The following ZNF761 variants were observed in gnomAD, a reference collection of about 807,000 sequenced individuals.
ZNF761 encodes zinc finger protein 761.
ZNF761 carries 43 observed loss-of-function variants against 59.9 expected under a neutral mutation model. That is an observed-to-expected ratio of 0.72 (90% CI 0.56 to 0.92). The LOEUF (loss-of-function observed/expected upper bound fraction) is 0.92, where lower values mean the gene tolerates loss of function less well. Among genes scored for constraint, ZNF761 ranks in the 40% least tolerant of loss-of-function variants. The pLI is 0.00. For missense variants in ZNF761, 850 were observed against 906.1 expected (o/e 0.94, Z 0.79); for synonymous variants, 294 against 304.8 (o/e 0.96, Z 0.37).
At chr19:53,448,775 A>ATT (rs35551715) in intron 3 of ZNF761, among the ~76,000 whole-genome samples, 1,374 of 125,070 alleles carry the variant, frequency 0.011, 36 homozygotes, top group African/African-American at 0.038. Flanking sequence ...TGGCTAGCTA[A>ATT]TTTTTTTTTT....
At chr19:53,441,157 C>T (rs1478833915) in intron 1 of ZNF761, among the ~76,000 whole-genome samples, 1 of 152,104 alleles carries the variant, frequency 6.6e-6, no homozygotes, top group African/African-American at 2.4e-5. Flanking sequence ...TGGTGTGCAC[C>T]TGTAGTCATA....
intron 1 of ZNF761, chr19:53,442,466 T>C: frequency 1.3e-6 from 1 of 765,596 alleles, no homozygotes; most frequent in South Asian, 1.4e-5. Context: ...CAGAGACCCA[T>C]GCTGAGTTGG....
intron 4 of ZNF761, among the ~76,000 whole-genome samples, chr19:53,453,810 A>T (rs2086241219): frequency 6.6e-6 from 1 of 152,194 alleles, no homozygotes. Context: ...CAAAAGGTGG[A>T]TGTTGCAGTG....
In ZNF761 at chr19:53,457,303, C is replaced by T; in HGVS notation, c.*555C>T. 2.5e-6 allele frequency: 1 copy of T among 406,372 alleles called. No homozygotes were observed. The highest frequency in any genetic ancestry group is 5.0e-6 in the Non-Finnish European group (1 of 200,750). 25.2% of individuals were successfully genotyped at this position (406,372 alleles called of 1,614,324 possible). Reference sequence around the variant, plus strand: ...TCATACCTTGCAGTTCATCGGTGAACTCAACGCTGGAGAGAAACCTTACAA... The same window carrying T: ...TCATACCTTGCAGTTCATCGGTGAATTCAACGCTGGAGAGAAACCTTACAA... On this transcript the variant is annotated 3_prime_UTR_variant, in exon 5 of 5. Transcript: ENST00000684525.
At chr19:53,438,020 C>G (rs1461403120) in intron 1 of ZNF761, among the ~76,000 whole-genome samples, 1 of 120,304 alleles carries the variant, frequency 8.3e-6, no homozygotes, top group Non-Finnish European at 1.9e-5. Context: ...AAGTACTTGA[C>G]ATCTGGGTCT....
At position 53,456,525 on chromosome 19, in the gene ZNF761, G is replaced by A. The variant is rs551514973; in HGVS notation, c.2018G>A (p.Arg673Gln). ...KCNECGKTFSRKSYFICHHRL... is the reference protein window; with the variant it reads ...KCNECGKTFSQKSYFICHHRL... The stretch of plus-strand genomic sequence containing the variant: ...AATGAGTGTGGCAAGACCTTTAGTC[G>A]GAAGTCATATTTTATATGCCATCAT... The change falls in exon 5 of 5, where the codon CGG becomes CAG. Residue 673 changes from arginine (R) to glutamine (Q), a missense_variant. Arg to Gln is a conservative substitution (Grantham distance 43). Coordinates refer to ENST00000684525, the MANE Select transcript of ZNF761 (RefSeq NM_001289951.2). 72 of 1,608,414 alleles carry A rather than the reference G, an allele frequency of 4.5e-5. No homozygotes were observed. The highest frequency in any genetic ancestry group is 3.3e-4 in the African/African-American group (24 of 73,684).
intron 1 of ZNF761, 30 bp downstream of exon 1, chr19:53,432,058 T>C (rs1213806943): frequency 6.6e-6 from 1 of 152,612 alleles, no homozygotes; most frequent in Admixed American, 6.5e-5. Flanking sequence ...GTATTAAGTC[T>C]GCTCTTCCAG....
At chr19:53,436,970 A>T (rs2086049068) in intron 1 of ZNF761, among the ~76,000 whole-genome samples, 1 of 152,126 alleles carries the variant, frequency 6.6e-6, no homozygotes, top group Non-Finnish European at 1.5e-5. Context: ...AGCACAGGTT[A>T]ATCATTGTTC....
At chr19:53,436,754 TA>T (rs1475369278) in intron 1 of ZNF761, among the ~76,000 whole-genome samples, 2 of 152,232 alleles carry the variant, frequency 1.3e-5, no homozygotes, top group African/African-American at 4.8e-5. Flanking sequence ...TAATGTCTTT[TA>T]TCAGTACTTT....
chr19:53,432,336 T>C, intron 1 of ZNF761, among the ~76,000 whole-genome samples: 1 of 152,114 alleles, frequency 6.6e-6, no homozygotes, highest in East Asian at 1.9e-4. Flanking sequence ...ACCTGAGAGG[T>C]GGATTCTCGC....
chr19:53,434,301 A>G (rs541293122), intron 1 of ZNF761, among the ~76,000 whole-genome samples: 81 of 151,880 alleles, frequency 5.3e-4, no homozygotes, highest in African/African-American at 1.9e-3. Flanking sequence ...TTTTTTCTTT[A>G]ATTTTATTGT....
At chr19:53,433,207 C>T (rs1275872555) in intron 1 of ZNF761, among the ~76,000 whole-genome samples, 1 of 152,088 alleles carries the variant, frequency 6.6e-6, no homozygotes, top group Non-Finnish European at 1.5e-5. Context: ...AAAAGCTGAG[C>T]ATTTCAACAA....
At chr19:53,445,774 CTGTA>C in intron 1 of ZNF761, among the ~76,000 whole-genome samples, 1 of 152,282 alleles carries the variant, frequency 6.6e-6, no homozygotes, top group East Asian at 1.9e-4. Flanking sequence ...AGGCCTTTCT[CTGTA>C]TGAGGACATC....
chr19:53,455,403 A>C lies in ZNF761; in HGVS notation c.896A>C (p.Lys299Thr), dbSNP rs755657827. 4.3e-6 allele frequency: 7 copies of C among 1,614,008 alleles called. No individual in the cohort carries two copies. In the East Asian group the frequency reaches 1.6e-4, roughly 36 times the overall value. ...RRLHTGEKPYKCEECDKAFHF... is the reference protein window; with the variant it reads ...RRLHTGEKPYTCEECDKAFHF... Reference sequence around the variant, plus strand: ...CTTCATACTGGAGAGAAACCTTACAAATGTGAAGAATGTGACAAAGCTTTC... The same window carrying C: ...CTTCATACTGGAGAGAAACCTTACACATGTGAAGAATGTGACAAAGCTTTC... Residue 299 changes from lysine to threonine, a missense_variant, in exon 5 of 5, where the codon AAA becomes ACA. Lys to Thr is a moderately conservative substitution (Grantham distance 78). Transcript: ENST00000684525.
In ZNF761 at chr19:53,455,521, G is replaced by A. The variant is rs2086259706; in HGVS notation, c.1014G>A (p.Lys338=). 3.1e-6 allele frequency: 5 copies of A among 1,612,884 alleles called. No individual in the cohort carries two copies. The highest frequency in any genetic ancestry group is 4.2e-6 in the Non-Finnish European group (5 of 1,179,526). Reference sequence around the variant, plus strand: ...AGTGTGGCAAGACCTTTAGGCAGAAGTCAATCCTTACACGCCATCATCGAC... The same window carrying A: ...AGTGTGGCAAGACCTTTAGGCAGAAATCAATCCTTACACGCCATCATCGAC... ...CNECGKTFRQ[K]SILTRHHRLH... is the part of the protein sequence containing the mutation. The change falls in exon 5 of 5, where the codon AAG becomes AAA. Residue 338 remains lysine, a synonymous_variant. Transcript: ENST00000684525.
chr19:53,438,196 C>T (rs1441610970), intron 1 of ZNF761, among the ~76,000 whole-genome samples: 14 of 147,166 alleles, frequency 9.5e-5, no homozygotes, highest in African/African-American at 3.5e-4. Flanking sequence ...GCCCTTGGTA[C>T]CAAGTCATCC....
chr19:53,442,779 C>T (rs1209709186), intron 1 of ZNF761: 1 of 362,576 alleles, frequency 2.8e-6, no homozygotes, highest in East Asian at 3.8e-5. Context: ...GTCTCTGCCT[C>T]TTCCTGGAGA....
At chr19:53,435,553 G>A (rs886997041) in intron 1 of ZNF761, among the ~76,000 whole-genome samples, 2 of 151,672 alleles carry the variant, frequency 1.3e-5, no homozygotes, top group Admixed American at 6.6e-5. Flanking sequence ...TCCACCCATC[G>A]TGGCCTCCAA....
rs2147143817 is a variant in ZNF761, at chr19:53,455,422, A to C, written c.915A>C (p.Lys305Asn). ...EKPYKCEECD[K>N]AFHFKSILER... ...CTTACAAATGTGAAGAATGTGACAA[A>C]GCTTTCCATTTCAAATCAATACTTG... is the stretch of plus-strand genomic sequence containing the variant. Residue 305 changes from lysine (K) to asparagine (N), a missense_variant, in exon 5 of 5, where the codon AAA becomes AAC. Transcript: ENST00000684525. The C allele has an allele frequency of 6.2e-7, 1 of 1,611,576 alleles. No homozygotes were observed. The highest frequency in any genetic ancestry group is 2.2e-5 in the East Asian group (1 of 44,762).
Sources: allele counts gnomAD v4.1 joint callset (sites outside exome capture counted in the v4.1 genomes callset), GRCh38; gene constraint gnomAD v4.1.1; transcripts MANE v1.5; gene names NCBI Gene and HGNC (gene_info 2026-07-23, HGNC 2026-07-21).